The following FBXL20 variants were observed in gnomAD, a reference collection of about 807,000 sequenced individuals.
FBXL20 encodes the protein F-box/LRR-repeat protein 20.
FBXL20 carries 11 observed loss-of-function variants against 64.0 expected under a neutral mutation model. The ratio of observed to expected loss-of-function variants is 0.17; its 90% CI spans 0.11 to 0.28. The LOEUF (loss-of-function observed/expected upper bound fraction) is 0.28. FBXL20 is among the 10% of genes least tolerant of loss of function. FBXL20 has a pLI of 1.00. For missense variants in FBXL20, 303 were observed against 526.2 expected (o/e 0.58, Z 4.15); for synonymous variants, 184 against 189.0 (o/e 0.97, Z 0.22).
chr17:39,317,473 G>A (rs1158309281), intron 2 of FBXL20, among the ~76,000 whole-genome samples: 1 of 151,882 alleles, frequency 6.6e-6, no homozygotes, highest in African/African-American at 2.4e-5. Flanking sequence ...CACGTGATCC[G>A]ACCGTCTCTG....
chr17:39,284,136 C>CT (rs1279755669), intron 7 of FBXL20, among the ~76,000 whole-genome samples: 1 of 152,178 alleles, frequency 6.6e-6, no homozygotes, highest in Non-Finnish European at 1.5e-5. Flanking sequence ...ATGGTTGCAT[C>CT]ACAGTACCTG....
intron 1 of FBXL20, among the ~76,000 whole-genome samples, chr17:39,343,701 T>C (rs1194093121): frequency 6.6e-6 from 1 of 151,400 alleles, no homozygotes; most frequent in Non-Finnish European, 1.5e-5. Context: ...AACTCTTTTT[T>C]TTTTTTTTTT....
rs1397383183 is a variant in FBXL20 at position 39,282,774 on chromosome 17, C to T, written c.576G>A (p.Arg192=). The T allele has an allele frequency of 2.5e-6, 4 of 1,614,022 alleles. No homozygotes were observed. The East Asian group carries it at 8.9e-5, about 36-fold the overall frequency. ...VTKDGIQALV[R]GCGGLKALFL... ...ATAAGGCCTTGAGACCCCCACAGCCCCTCACTAGTGCTTGAATGCCATCCT... is the reference window on the plus strand; with the variant it reads ...ATAAGGCCTTGAGACCCCCACAGCCTCTCACTAGTGCTTGAATGCCATCCT... The change falls in exon 8 of 15, where the codon AGG becomes AGA. Residue 192 remains arginine, a synonymous_variant. Coordinates refer to ENST00000264658, the MANE Select transcript of FBXL20 (RefSeq NM_032875.3).
At chr17:39,400,159 TTTGA>T (rs2048227368) in intron 1 of FBXL20, among the ~76,000 whole-genome samples, 1 of 152,324 alleles carries the variant, frequency 6.6e-6, no homozygotes, top group South Asian at 2.1e-4. Context: ...AGGCCAATTC[TTTGA>T]TTTTCTCCAC....
chr17:39,402,307 C>T (rs2144699939), upstream of FBXL20: 3 of 926,104 alleles, frequency 3.2e-6, no homozygotes, highest in South Asian at 5.4e-5. Flanking sequence ...CCTCCCCCGC[C>T]TCCCCCGCCC....
chr17:39,383,994 G>A (rs1205197218), intron 1 of FBXL20, among the ~76,000 whole-genome samples: 3 of 152,062 alleles, frequency 2.0e-5, no homozygotes, highest in Non-Finnish European at 2.9e-5. Flanking sequence ...AGCATTTTGG[G>A]AGGCCAAGGC....
rs755499 is a variant in FBXL20 at position 39,253,548 on chromosome 17, G to A, written c.*7912C>T. ...CAAGAGCCACACCATGGTGAGAAAG[G>A]ACATGGGTAGCTTCTGAGGAGCATG... On this transcript the variant is annotated 3_prime_UTR_variant, in exon 15 of 15. Coordinates refer to ENST00000264658, the MANE Select transcript of FBXL20 (RefSeq NM_032875.3). 15,662 of 152,388 alleles carry A rather than the reference G, an allele frequency of 0.1. 864 individuals are homozygous for A. The highest frequency in any genetic ancestry group is 0.15 in the African/African-American group (6,181 of 41,524). 9.4% of individuals were successfully genotyped at this position (152,388 alleles called of 1,614,324 possible).
At chr17:39,315,983 A>G (rs2047287699) in intron 2 of FBXL20, among the ~76,000 whole-genome samples, 1 of 152,082 alleles carries the variant, frequency 6.6e-6, no homozygotes, top group Non-Finnish European at 1.5e-5. Context: ...AGCTTTTGGA[A>G]AGGCCAAGGT....
chr17:39,364,296 CAT>C (rs1487016166), intron 1 of FBXL20, among the ~76,000 whole-genome samples: 2 of 152,124 alleles, frequency 1.3e-5, no homozygotes, highest in African/African-American at 4.8e-5. Context: ...TCTAGGTTGA[CAT>C]AGTGACTTGA....
Position 39,265,392 on chromosome 17 carries a change from C to T in FBXL20, c.990+5G>A, listed in dbSNP as rs2046781866. ...AACACATAAAGTTTTCAAAGTTAAA[C>T]TCACCAATACTTGAAGTCGAGGACA... is the stretch of plus-strand genomic sequence containing the variant. On this transcript the variant is annotated splice_donor_5th_base_variant and intron_variant, in intron 13 of 14. Coordinates refer to ENST00000264658, the MANE Select transcript of FBXL20 (RefSeq NM_032875.3). The T allele has an allele frequency of 6.2e-7, 1 of 1,606,144 alleles. No homozygotes were observed. The highest frequency in any genetic ancestry group is 2.2e-5 in the East Asian group (1 of 44,646).
At position 39,259,696 on chromosome 17, in the gene FBXL20, GA is replaced by G. The variant is rs1391601760; in HGVS notation, c.*1763del. On this transcript the variant is annotated 3_prime_UTR_variant, in exon 15 of 15. Coordinates refer to ENST00000264658, the MANE Select transcript of FBXL20 (RefSeq NM_032875.3). ...ACATTCATACTTCATTCAGAAGTCTGAACAGGGCCGGGCATGGTGGCTCATG... is the reference window on the plus strand; with the variant it reads ...ACATTCATACTTCATTCAGAAGTCTGACAGGGCCGGGCATGGTGGCTCATG... 1 of 151,918 alleles carries G rather than the reference GA, an allele frequency of 6.6e-6. No homozygotes were observed. Among genetic ancestry groups the G allele is most frequent in the Non-Finnish European group, 1.5e-5 (1 of 68,016 alleles). The allele number at this position is 151,918 out of a possible 1,614,324, so 9.4% of individuals were successfully genotyped here.
At chr17:39,392,461 G>C (rs867056773) in intron 1 of FBXL20, among the ~76,000 whole-genome samples, 18 of 146,136 alleles carry the variant, frequency 1.2e-4, no homozygotes, top group Admixed American at 5.5e-4. Context: ...AAAAAGAAAA[G>C]AAAACAAAAA....
chr17:39,335,680 T>C (rs562913769), intron 2 of FBXL20, among the ~76,000 whole-genome samples: 1 of 152,208 alleles, frequency 6.6e-6, no homozygotes, highest in South Asian at 2.1e-4. Flanking sequence ...AACATAGATG[T>C]TCCTTTTTCA....
intron 1 of FBXL20, 99 bp downstream of exon 1, chr17:39,401,262 G>C (rs1022326590): frequency 1.9e-6 from 3 of 1,594,494 alleles, no homozygotes; most frequent in South Asian, 1.1e-5. Flanking sequence ...GGTGGGTGAC[G>C]GCGCCTGCCA....
At chr17:39,353,825 A>G (rs2047711309) in intron 1 of FBXL20, among the ~76,000 whole-genome samples, 1 of 151,786 alleles carries the variant, frequency 6.6e-6, no homozygotes, top group Admixed American at 6.6e-5. Flanking sequence ...GTTTCATCAT[A>G]TTGGCCAGGA....
chr17:39,355,201 G>T (rs981188987), intron 1 of FBXL20, among the ~76,000 whole-genome samples: 1 of 152,048 alleles, frequency 6.6e-6, no homozygotes, highest in African/African-American at 2.4e-5. Context: ...CAAAGTGCTG[G>T]GATTACAGGT....
intron 9 of FBXL20, among the ~76,000 whole-genome samples, chr17:39,278,548 CTT>C (rs61642275): frequency 6.2e-5 from 8 of 128,142 alleles, no homozygotes; most frequent in Non-Finnish European, 4.8e-5. Flanking sequence ...ACATTCCAGT[CTT>C]TTTTTTTTTT....
At chr17:39,275,512 A>G (rs971112191) in intron 9 of FBXL20, among the ~76,000 whole-genome samples, 2 of 151,990 alleles carry the variant, frequency 1.3e-5, no homozygotes, top group Admixed American at 6.6e-5. Context: ...CCCAGGTTCA[A>G]GCGATTCTCG....
chr17:39,352,054 C>T (rs960653042), intron 1 of FBXL20, among the ~76,000 whole-genome samples: 2 of 152,168 alleles, frequency 1.3e-5, no homozygotes, highest in Non-Finnish European at 1.5e-5. Context: ...CACGCGCGTG[C>T]ACGCTATTAC....
Sources: allele counts gnomAD v4.1 joint callset (sites outside exome capture counted in the v4.1 genomes callset), GRCh38; gene constraint gnomAD v4.1.1; transcripts MANE v1.5; gene names NCBI Gene and HGNC (gene_info 2026-07-23, HGNC 2026-07-21).